ZNF462: variants seen among roughly 807,000 people sequenced by gnomAD.
ZNF462 encodes the protein zinc finger protein 462.
Under a neutral mutation model 201.9 loss-of-function variants are expected in ZNF462, and 10 were observed. That is an observed-to-expected ratio of 0.05 (90% CI 0.03 to 0.08). ZNF462 has a LOEUF of 0.08. Among genes scored for constraint, ZNF462 ranks in the 10% least tolerant of loss-of-function variants. ZNF462 has a pLI of 1.00. For missense variants in ZNF462, 2,523 were observed against 3,168.3 expected, an observed-to-expected ratio of 0.80 and a Z score of 4.89; for synonymous variants, 1,227 against 1,193.3, an observed-to-expected ratio of 1.03 and a Z score of -0.58.
Position 106,977,618 on chromosome 9 carries a change from C to T in ZNF462, c.6832+3345C>T, listed in dbSNP as rs1294299877. Among the ~76,000 whole-genome samples the T allele has an allele frequency of 6.6e-6, 1 of 151,462 alleles. No individual in the cohort carries two copies. The highest frequency in any genetic ancestry group is 1.9e-4 in the East Asian group (1 of 5,184). On this transcript the variant is annotated intron_variant, in intron 9 of 12. Coordinates refer to ENST00000277225, the MANE Select transcript of ZNF462 (RefSeq NM_021224.6). This position sits in a 1 kb window ranked among gnomAD's most constrained non-coding sequence, Gnocchi z 4.6. ...GTTACGTGCCACGCTATGCTTGGTT[C>T]TTTGGGCAAAATGGGGAACATAAGA...
intron 7 of ZNF462, among the ~76,000 whole-genome samples, chr9:106,947,256 C>A (rs1427484424): frequency 6.6e-6 from 1 of 152,186 alleles, no homozygotes; most frequent in Non-Finnish European, 1.5e-5. Context: ...CATTTCCCAG[C>A]ACACTGCTTG....
intron 1 of ZNF462, among the ~76,000 whole-genome samples, chr9:106,912,241 T>C (rs1316495723): frequency 1.4e-5 from 2 of 138,030 alleles, no homozygotes; most frequent in African/African-American, 5.7e-5. Context: ...TACATAACAT[T>C]GTTCCGACTC....
intron 10 of ZNF462, among the ~76,000 whole-genome samples, chr9:106,999,620 G>T (rs1169312720): frequency 1.3e-5 from 2 of 152,072 alleles, no homozygotes. Context: ...GAAGAAGTTG[G>T]ATATACACTT....
intron 1 of ZNF462, among the ~76,000 whole-genome samples, chr9:106,891,773 GTTCCC>G (rs2131058378): frequency 6.6e-6 from 1 of 152,136 alleles, no homozygotes; most frequent in South Asian, 2.1e-4. Context: ...CTGGCTTTTT[GTTCCC>G]CCCTCTGGAT....
chr9:106,983,950 G>A (rs761382445), intron 9 of ZNF462, among the ~76,000 whole-genome samples: 10 of 152,058 alleles, frequency 6.6e-5, no homozygotes, highest in Non-Finnish European at 1.5e-4. Context: ...CTATTTATAG[G>A]TCATTCTGGG....
chr9:106,916,161 A>G (rs1335971118), intron 1 of ZNF462, among the ~76,000 whole-genome samples: 1 of 152,220 alleles, frequency 6.6e-6, no homozygotes. Context: ...AATAGAAAAC[A>G]AGGTAAGTTG....
rs566999776 is a variant in ZNF462, at chr9:106,932,328, C to T, written c.6013-118C>T. The T allele has an allele frequency of 2.2e-5, 35 of 1,560,334 alleles. No individual in the cohort carries two copies. The highest frequency in any genetic ancestry group is 1.4e-4 in the African/African-American group (10 of 73,504). ...TGGAAGCAGCCAAAGACGCCAGTGG[C>T]GCCCTGGTGGGCCGGGTGGATGGTG... is the stretch of plus-strand genomic sequence containing the variant. On this transcript the variant is annotated intron_variant, in intron 4 of 12. Coordinates refer to ENST00000277225, the MANE Select transcript of ZNF462 (RefSeq NM_021224.6). This position sits in a 1 kb window ranked among gnomAD's most constrained non-coding sequence, Gnocchi z 6.8.
rs566067952 is a variant in ZNF462 at position 107,006,424 on chromosome 9, C to T, written c.7189+2998C>T. The stretch of plus-strand genomic sequence containing the variant: ...TTCAATTCAAATTTACATCTTCTGG[C>T]TCCAAAGGCAAGCCCTCTTCTTACC... On this transcript the variant is annotated intron_variant, in intron 11 of 12. Coordinates refer to ENST00000277225, the MANE Select transcript of ZNF462 (RefSeq NM_021224.6). This position sits in a 1 kb window ranked among gnomAD's most constrained non-coding sequence, Gnocchi z 4.3. 6.6e-6 allele frequency among the ~76,000 whole-genome samples: 1 copy of T among 152,286 alleles called. No individual in the cohort carries two copies. The highest frequency in any genetic ancestry group is 6.5e-5 in the Admixed American group (1 of 15,292).
rs770852721 is a variant in ZNF462 at position 106,927,074 on chromosome 9, C to T, written c.3162C>T (p.Pro1054=). The change falls in exon 3 of 13, where the codon CCC becomes CCT. Residue 1054 remains proline, a synonymous_variant. Coordinates refer to ENST00000277225, the MANE Select transcript of ZNF462 (RefSeq NM_021224.6). ...SVLVHYQKKH[P]EEKASYFRIQ... is the part of the protein sequence containing the mutation. ...TGGTTCATTATCAGAAGAAACACCC[C>T]GAAGAAAAGGCTTCCTACTTTAGGA... 16 of 1,613,668 alleles carry T rather than the reference C, an allele frequency of 9.9e-6. No homozygotes were observed. Among genetic ancestry groups the T allele is most frequent in the East Asian group, 6.7e-5 (3 of 44,892 alleles).
intron 5 of ZNF462, among the ~76,000 whole-genome samples, chr9:106,934,981 T>A (rs1469912621): frequency 6.6e-6 from 1 of 152,134 alleles, no homozygotes; most frequent in Non-Finnish European, 1.5e-5. Context: ...AGACAGCCCA[T>A]TGCAAGAAGG....
At chr9:106,878,369 C>A (rs982166129) in intron 1 of ZNF462, among the ~76,000 whole-genome samples, 12 of 152,236 alleles carry the variant, frequency 7.9e-5, no homozygotes, top group African/African-American at 2.9e-4. Context: ...CATGCTCTTG[C>A]CATTCATCCA....
Position 106,924,523 on chromosome 9 carries a change from A to G in ZNF462, c.611A>G (p.Asp204Gly). The G allele has an allele frequency of 1.2e-6, 2 of 1,614,120 alleles. No individual in the cohort carries two copies. Among genetic ancestry groups the G allele is most frequent in the Non-Finnish European group, 1.7e-6 (2 of 1,180,020 alleles). Reference protein sequence around the residue: ...APPPAPAPMPDPVVPPVSLQD... With the variant: ...APPPAPAPMPGPVVPPVSLQD... Reference sequence around the variant, plus strand: ...CCACCTGCTCCTGCTCCAATGCCAGACCCTGTGGTTCCGCCCGTATCACTG... The same window carrying G: ...CCACCTGCTCCTGCTCCAATGCCAGGCCCTGTGGTTCCGCCCGTATCACTG... Residue 204 changes from aspartate to glycine, a missense_variant, in exon 3 of 13, where the codon GAC becomes GGC. Coordinates refer to ENST00000277225, the MANE Select transcript of ZNF462 (RefSeq NM_021224.6). The surrounding 1 kb of genome is among the most constrained non-coding windows in gnomAD (Gnocchi z 6.2).
At chr9:106,939,927 C>T (rs151153185) in intron 7 of ZNF462, among the ~76,000 whole-genome samples, 1 of 152,328 alleles carries the variant, frequency 6.6e-6, no homozygotes, top group East Asian at 1.9e-4. Flanking sequence ...TAGACCTGCT[C>T]TCTTCCAACC....
rs1417230734 is a variant in ZNF462, at chr9:106,954,096, A to C, written c.6427+14989A>C. On this transcript the variant is annotated intron_variant, in intron 7 of 12. Transcript: ENST00000277225. The surrounding 1 kb of genome is among the most constrained non-coding windows in gnomAD (Gnocchi z 4.0). The stretch of plus-strand genomic sequence containing the variant: ...GGTTAAGAGTTCAAATCATCCTCCT[A>C]TTCAGAAGTCTTTAACAGCTCTGCA... Among the ~76,000 whole-genome samples the C allele has an allele frequency of 6.6e-6, 1 of 152,118 alleles. No individual in the cohort carries two copies. Among genetic ancestry groups the C allele is most frequent in the Non-Finnish European group, 1.5e-5 (1 of 68,026 alleles).
rs537224221 is a variant in ZNF462, at chr9:106,938,357, G to A, written c.6236-559G>A. Among the ~76,000 whole-genome samples, 12 of 152,228 alleles carry A rather than the reference G, an allele frequency of 7.9e-5. No individual in the cohort carries two copies. Among genetic ancestry groups the A allele is most frequent in the African/African-American group, 2.9e-4 (12 of 41,554 alleles). On this transcript the variant is annotated intron_variant, in intron 6 of 12. Coordinates refer to ENST00000277225, the MANE Select transcript of ZNF462 (RefSeq NM_021224.6). This position sits in a 1 kb window ranked among gnomAD's most constrained non-coding sequence, Gnocchi z 4.4. Reference sequence around the variant, plus strand: ...TAAGGAAATGGAGTTCTATGCTGAGGTTTATGAACTGGTCCAAAAATATAT... The same window carrying A: ...TAAGGAAATGGAGTTCTATGCTGAGATTTATGAACTGGTCCAAAAATATAT...
chr9:106,989,924 C>T (rs1393125028), intron 10 of ZNF462, among the ~76,000 whole-genome samples: 2 of 152,044 alleles, frequency 1.3e-5, no homozygotes, highest in African/African-American at 2.4e-5. Flanking sequence ...TTTGGATTTT[C>T]TCTCTTCTTT....
Position 106,913,573 on chromosome 9 carries a change from T to G in ZNF462, c.-30-9781T>G, listed in dbSNP as rs2131326806. ...ACATATGCATTGTTTTTCACAGAAA[T>G]TTTAGTCAGAGGTCACATGCTAAAG... On this transcript the variant is annotated intron_variant, in intron 1 of 12. Coordinates refer to ENST00000277225, the MANE Select transcript of ZNF462 (RefSeq NM_021224.6). This position sits in a 1 kb window ranked among gnomAD's most constrained non-coding sequence, Gnocchi z 4.1. Among the ~76,000 whole-genome samples the G allele has an allele frequency of 6.6e-6, 1 of 152,162 alleles. No individual in the cohort carries two copies. Among genetic ancestry groups the G allele is most frequent in the East Asian group, 1.9e-4 (1 of 5,176 alleles).
Position 106,926,258 on chromosome 9 carries a change from T to C in ZNF462, c.2346T>C (p.Asn782=). The C allele has an allele frequency of 1.9e-6, 3 of 1,614,176 alleles. No homozygotes were observed. The highest frequency in any genetic ancestry group is 1.1e-5 in the South Asian group (1 of 91,080). The change falls in exon 3 of 13, where the codon AAT becomes AAC. Residue 782 remains asparagine (N), a synonymous_variant. Transcript: ENST00000277225. The surrounding 1 kb of genome is among the most constrained non-coding windows in gnomAD (Gnocchi z 7.9). ...PNFRNITHDY[N]ATNGAEIELT... ...TCAGAAACATCACCCACGATTACAATGCCACCAATGGGGCTGAGATTGAGC... is the reference window on the plus strand; with the variant it reads ...TCAGAAACATCACCCACGATTACAACGCCACCAATGGGGCTGAGATTGAGC...
At chr9:106,990,583 C>T (rs909127875) in intron 10 of ZNF462, among the ~76,000 whole-genome samples, 6 of 151,868 alleles carry the variant, frequency 4.0e-5, no homozygotes, top group Admixed American at 1.3e-4. Context: ...CAGTCTTTAA[C>T]GTAATATTTT....
Sources: gnomAD v4.1 joint callset for allele counts (sites outside exome capture counted in the v4.1 genomes callset) on GRCh38, gnomAD v4.1.1 for gene constraint, Gnocchi (gnomAD v3.1) non-coding constraint, MANE v1.5 for transcripts, NCBI Gene and HGNC (gene_info 2026-07-23, HGNC 2026-07-21) for gene names.